Variants in VAV3 observed in about 807,000 individuals in gnomAD.
VAV3 encodes guanine nucleotide exchange factor VAV3.
In VAV3, 94 loss-of-function variants were observed where a neutral mutation model predicts 131.2. The ratio of observed to expected loss-of-function variants is 0.72; its 90% confidence interval spans 0.61 to 0.85. VAV3 has a LOEUF of 0.85. VAV3 is among the 40% of genes least tolerant of loss of function. The pLI is 0.00. For synonymous variants in VAV3, 349 were observed against 342.0 expected (o/e 1.02, Z -0.22); for missense variants, 939 against 1,002.7 (o/e 0.94, Z 0.86).
intron 15 of VAV3, among the ~76,000 whole-genome samples, chr1:107,742,989 G>A (rs953931708): frequency 2.0e-5 from 3 of 152,160 alleles, no homozygotes; most frequent in African/African-American, 4.8e-5. Context: ...AAGAACAGGA[G>A]GAAAGACCAG....
At position 107,749,613 on chromosome 1, in the gene VAV3, T is replaced by A; in HGVS notation, c.1260-19A>T. ...GATATGCCTGGGAAAAAGAGATTGATTGATTGATTTTAAATGGTTTAGAAA... is the reference window on the plus strand; with the variant it reads ...GATATGCCTGGGAAAAAGAGATTGAATGATTGATTTTAAATGGTTTAGAAA... On this transcript the variant is annotated intron_variant, in intron 13 of 26. Transcript: ENST00000370056. 1 of 1,606,234 alleles carries A rather than the reference T, an allele frequency of 6.2e-7. No individual in the cohort carries two copies. Among genetic ancestry groups the A allele is most frequent in the Non-Finnish European group, 8.5e-7 (1 of 1,178,206 alleles).
intron 4 of VAV3, among the ~76,000 whole-genome samples, chr1:107,773,804 T>C (rs542829534): frequency 4.6e-5 from 7 of 152,202 alleles, no homozygotes; most frequent in Admixed American, 1.3e-4. Flanking sequence ...CATCAAAGGA[T>C]AGGAAGGTCT....
chr1:107,916,847 AAAC>A (rs1199849445), intron 1 of VAV3, among the ~76,000 whole-genome samples: 1 of 152,170 alleles, frequency 6.6e-6, no homozygotes, highest in Non-Finnish European at 1.5e-5. Context: ...GATTCAGGAG[AAAC>A]ATCATGGACA....
At chr1:107,669,258 T>C in intron 19 of VAV3, 1 of 1,257,516 alleles carries the variant, frequency 8.0e-7, no homozygotes, top group Non-Finnish European at 1.0e-6. Flanking sequence ...GTCCATAGGA[T>C]CTCTTCTTTA....
intron 6 of VAV3, 86 bp from the exon 7 acceptor site, chr1:107,768,595 G>A (rs1040143770): frequency 1.4e-5 from 16 of 1,109,354 alleles, no homozygotes; most frequent in African/African-American, 9.6e-5. Context: ...CAACAAATAC[G>A]TTTTGAAAGT....
intron 25 of VAV3, among the ~76,000 whole-genome samples, chr1:107,587,961 A>T (rs142083483): frequency 0.014 from 2,147 of 152,288 alleles, 50 homozygotes; most frequent in African/African-American, 0.049. Flanking sequence ...AACAGTATAA[A>T]AGATGAGAAA....
At chr1:107,747,314 C>T (rs1663412330) in intron 15 of VAV3, among the ~76,000 whole-genome samples, 1 of 152,076 alleles carries the variant, frequency 6.6e-6, no homozygotes, top group Non-Finnish European at 1.5e-5. Flanking sequence ...TCTCTGCAGA[C>T]ATTCCTTCAC....
chr1:107,859,945 G>T (rs1198681508), intron 2 of VAV3, among the ~76,000 whole-genome samples: 1 of 152,084 alleles, frequency 6.6e-6, no homozygotes, highest in Non-Finnish European at 1.5e-5. Flanking sequence ...TTTGTTATAT[G>T]TGATAAAGAT....
At chr1:107,784,337 T>C (rs1304220777) in intron 2 of VAV3, among the ~76,000 whole-genome samples, 3 of 152,226 alleles carry the variant, frequency 2.0e-5, no homozygotes, top group African/African-American at 7.2e-5. Flanking sequence ...TTATTCATTT[T>C]AGTGCTGTGT....
chr1:107,954,534 A>ATT (rs5776909), intron 1 of VAV3, among the ~76,000 whole-genome samples: 1 of 130,578 alleles, frequency 7.7e-6, no homozygotes, highest in African/African-American at 2.8e-5. Flanking sequence ...CCTGAGGCAA[A>ATT]TTTTTTTTTT....
At chr1:107,732,563 C>G (rs761505022) in intron 15 of VAV3, among the ~76,000 whole-genome samples, 1 of 152,234 alleles carries the variant, frequency 6.6e-6, no homozygotes, top group Non-Finnish European at 1.5e-5. Context: ...AAATTATAAC[C>G]CACGCCTGGC....
chr1:107,616,964 T>C (rs1346642343), intron 21 of VAV3, among the ~76,000 whole-genome samples: 5 of 152,140 alleles, frequency 3.3e-5, no homozygotes, highest in Non-Finnish European at 7.4e-5. Flanking sequence ...TAAACAGAAG[T>C]TTATCAGTAT....
At chr1:107,663,810 G>A (rs1557743769) in intron 19 of VAV3, among the ~76,000 whole-genome samples, 1 of 152,146 alleles carries the variant, frequency 6.6e-6, no homozygotes, top group African/African-American at 2.4e-5. Context: ...TTGGCTCTAA[G>A]TGGTTGATAT....
intron 3 of VAV3, among the ~76,000 whole-genome samples, chr1:107,779,037 C>T (rs1665532078): frequency 6.6e-6 from 1 of 151,926 alleles, no homozygotes; most frequent in Non-Finnish European, 1.5e-5. Flanking sequence ...TCTTAAACTC[C>T]TAAAAGCTAT....
At chr1:107,865,832 C>T (rs559503578) in intron 2 of VAV3, among the ~76,000 whole-genome samples, 2 of 152,268 alleles carry the variant, frequency 1.3e-5, no homozygotes, top group East Asian at 3.9e-4. Flanking sequence ...AAGGGAAAAG[C>T]CACTTCCTGA....
chr1:107,627,238 A>C (rs1654092551), intron 20 of VAV3, among the ~76,000 whole-genome samples: 1 of 152,080 alleles, frequency 6.6e-6, no homozygotes, highest in Non-Finnish European at 1.5e-5. Context: ...CCCCATCTCC[A>C]TCACTCTCTG....
chr1:107,589,057 C>T (rs1423298994), intron 25 of VAV3, among the ~76,000 whole-genome samples: 1 of 151,986 alleles, frequency 6.6e-6, no homozygotes, highest in South Asian at 2.1e-4. Context: ...TCACTGACTG[C>T]CTGACTGCTG....
At chr1:107,666,497 G>A (rs947415664) in intron 19 of VAV3, among the ~76,000 whole-genome samples, 76 of 151,930 alleles carry the variant, frequency 5.0e-4, no homozygotes, top group African/African-American at 1.7e-3. Context: ...ACTATTTCCA[G>A]AAGCAGCACA....
chr1:107,858,420 G>T (rs970507178), intron 2 of VAV3, among the ~76,000 whole-genome samples: 6 of 152,062 alleles, frequency 3.9e-5, no homozygotes, highest in Non-Finnish European at 7.4e-5. Flanking sequence ...TACCATCTAA[G>T]AAAATTTTAA....
Sources: allele counts gnomAD v4.1 joint callset (sites outside exome capture counted in the v4.1 genomes callset), GRCh38; gene constraint gnomAD v4.1.1; transcripts MANE v1.5; gene names NCBI Gene and HGNC (gene_info 2026-07-23, HGNC 2026-07-21).